AGO2: variants seen among roughly 807,000 people sequenced by gnomAD.
The protein encoded by AGO2 is argonaute RISC catalytic component 2.
AGO2 carries 5 observed loss-of-function variants against 102.3 expected under a neutral mutation model. The ratio of observed to expected loss-of-function variants is 0.05; its 90% CI spans 0.03 to 0.10. The LOEUF (loss-of-function observed/expected upper bound fraction) is 0.10. Ranked by LOEUF, AGO2 falls within the 10% of genes least tolerant of loss-of-function variation. The probability of loss-of-function intolerance (pLI) is 1.00; values close to 1 mark genes in which losing one functional copy is unlikely to be tolerated. For synonymous variants in AGO2, 449 were observed against 473.1 expected, an observed-to-expected ratio of 0.95 and a Z score of 0.66; for missense variants, 541 against 1,183.7, an observed-to-expected ratio of 0.46 and a Z score of 7.97.
intron 2 of AGO2, among the ~76,000 whole-genome samples, chr8:140,577,344 G>A (rs2073483305): frequency 6.6e-6 from 1 of 152,148 alleles, no homozygotes; most frequent in African/African-American, 2.4e-5. Flanking sequence ...ACAGAATGCA[G>A]GTCTGTGTTT....
intron 1 of AGO2, among the ~76,000 whole-genome samples, chr8:140,616,682 G>GA (rs1424896962): frequency 1.3e-5 from 2 of 152,360 alleles, no homozygotes; most frequent in South Asian, 2.1e-4. Flanking sequence ...GCAGTGGGCA[G>GA]GGCCTGGGTG....
chr8:140,599,632 T>C (rs527966098), intron 1 of AGO2, among the ~76,000 whole-genome samples: 2 of 152,262 alleles, frequency 1.3e-5, no homozygotes, highest in East Asian at 3.9e-4. Context: ...CTCAAAGCCA[T>C]CTCTCTAAAT....
At chr8:140,573,421 C>A (rs1042068837) in intron 2 of AGO2, among the ~76,000 whole-genome samples, 1 of 152,052 alleles carries the variant, frequency 6.6e-6, no homozygotes, top group Non-Finnish European at 1.5e-5. Flanking sequence ...TCAAGTGATC[C>A]ACCCGCCTTG....
chr8:140,561,446 G>T lies in AGO2; in HGVS notation c.519-936C>A, dbSNP rs188631896. 1.6e-4 allele frequency among the ~76,000 whole-genome samples: 25 copies of T among 152,374 alleles called. No individual in the cohort carries two copies. The East Asian group carries it at 4.6e-3, about 28-fold the overall frequency. Reference sequence around the variant, plus strand: ...AAGTAATCCAAAGGAATTCGGAAAAGAATCACAGTCATTTCTGCAACTCTA... The same window carrying T: ...AAGTAATCCAAAGGAATTCGGAAAATAATCACAGTCATTTCTGCAACTCTA... On this transcript the variant is annotated intron_variant, in intron 4 of 18. Coordinates refer to ENST00000220592, the MANE Select transcript of AGO2 (RefSeq NM_012154.5).
At chr8:140,543,237 G>C (rs1030564696) in intron 14 of AGO2, among the ~76,000 whole-genome samples, 1 of 152,146 alleles carries the variant, frequency 6.6e-6, no homozygotes, top group African/African-American at 2.4e-5. Flanking sequence ...GTGAGCAGCG[G>C]TATATGCGTG....
At chr8:140,619,960 C>T (rs948900988) in intron 1 of AGO2, among the ~76,000 whole-genome samples, 2 of 152,188 alleles carry the variant, frequency 1.3e-5, no homozygotes, top group Non-Finnish European at 2.9e-5. Flanking sequence ...CTCCTGCCTG[C>T]ATCCAGACCT....
At chr8:140,633,536 C>A (rs1056601458) in intron 1 of AGO2, among the ~76,000 whole-genome samples, 1 of 152,196 alleles carries the variant, frequency 6.6e-6, no homozygotes, top group Non-Finnish European at 1.5e-5. Context: ...CCAAGGTACG[C>A]TGAAAAATGA....
rs962836766 is a variant in AGO2, at chr8:140,543,396, G to A, written c.1839+817C>T. 6.6e-5 allele frequency among the ~76,000 whole-genome samples: 10 copies of A among 152,198 alleles called. No homozygotes were observed. The East Asian group carries it at 7.7e-4, about 12-fold the overall frequency. Reference sequence around the variant, plus strand: ...GGGGCAGCTCGAATGGCTTCCTTGCGTCCCAGATAGATTCTCTTGCTCCAT... The same window carrying A: ...GGGGCAGCTCGAATGGCTTCCTTGCATCCCAGATAGATTCTCTTGCTCCAT... On this transcript the variant is annotated intron_variant, in intron 14 of 18. Coordinates refer to ENST00000220592, the MANE Select transcript of AGO2 (RefSeq NM_012154.5).
intron 4 of AGO2, among the ~76,000 whole-genome samples, chr8:140,560,852 A>G (rs772820206): frequency 1.1e-4 from 16 of 151,802 alleles, no homozygotes; most frequent in Non-Finnish European, 1.8e-4. Flanking sequence ...CTCACTGTCT[A>G]CTCTTCACCT....
intron 2 of AGO2, among the ~76,000 whole-genome samples, chr8:140,576,251 T>C (rs2073461353): frequency 1.3e-5 from 2 of 152,058 alleles, no homozygotes; most frequent in African/African-American, 4.8e-5. Flanking sequence ...GAGGCAGAGG[T>C]TGCAGTGAGC....
In AGO2 at chr8:140,556,127, T is replaced by C. The variant is rs746017330; in HGVS notation, c.1146+40A>G. 3.7e-6 allele frequency: 6 copies of C among 1,612,756 alleles called. No homozygotes were observed. The East Asian group carries it at 1.3e-4, about 36-fold the overall frequency. ...GGTTTCTGTGCCAGGGCAACCGGAC[T>C]GGATTCCACAGGGCAGCCCTGCCCG... is the stretch of plus-strand genomic sequence containing the variant. On this transcript the variant is annotated intron_variant, in intron 9 of 18. Transcript: ENST00000220592.
At chr8:140,620,313 C>A (rs754258408) in intron 1 of AGO2, among the ~76,000 whole-genome samples, 1 of 152,136 alleles carries the variant, frequency 6.6e-6, no homozygotes, top group Non-Finnish European at 1.5e-5. Context: ...ACCTGCCCTA[C>A]GATCAGACGA....
chr8:140,635,402 C>T (rs1189474052), intron 1 of AGO2, 83 bp downstream of exon 1: 11 of 939,458 alleles, frequency 1.2e-5, no homozygotes, highest in Non-Finnish European at 1.4e-5. Flanking sequence ...CGATCCCCGG[C>T]CCCTGCCGCC....
In AGO2 at chr8:140,539,249, T is replaced by C. The variant is rs1564074035; in HGVS notation, c.2169+71A>G. Reference sequence around the variant, plus strand: ...CGGCACTGTGGCCAGCAGGTTCTCTTGTGAGTGTGCTCGGGGTGTGGGGCT... The same window carrying C: ...CGGCACTGTGGCCAGCAGGTTCTCTCGTGAGTGTGCTCGGGGTGTGGGGCT... On this transcript the variant is annotated intron_variant, in intron 16 of 18. Transcript: ENST00000220592. This position sits in a 1 kb window ranked among gnomAD's most constrained non-coding sequence, Gnocchi z 4.7. The C allele has an allele frequency of 1.1e-5, 15 of 1,403,856 alleles. No homozygotes were observed. The highest frequency in any genetic ancestry group is 5.2e-5 in the East Asian group (2 of 38,620). The allele number at this position is 1,403,856 out of a possible 1,614,324, so 87.0% of individuals were successfully genotyped here.
At chr8:140,532,279 C>T (rs967716591) in intron 18 of AGO2, 127 bp from the exon 19 acceptor site, 2 of 1,373,720 alleles carry the variant, frequency 1.5e-6, no homozygotes, top group East Asian at 2.3e-5. Flanking sequence ...ACGCTGACGG[C>T]CGTGCCATTA....
At chr8:140,586,797 G>T (rs768161323) in intron 1 of AGO2, among the ~76,000 whole-genome samples, 25 of 152,160 alleles carry the variant, frequency 1.6e-4, no homozygotes, top group Non-Finnish European at 2.8e-4. Flanking sequence ...CAACCACCCA[G>T]TGAGACGGCT....
At chr8:140,587,406 G>T (rs1210851852) in intron 1 of AGO2, among the ~76,000 whole-genome samples, 1 of 152,264 alleles carries the variant, frequency 6.6e-6, no homozygotes, top group Non-Finnish European at 1.5e-5. Flanking sequence ...GGCCAGGGAA[G>T]GTCCACCTTC....
intron 3 of AGO2, 186 bp downstream of exon 3, chr8:140,572,626 A>T: frequency 1.3e-6 from 1 of 773,802 alleles, no homozygotes; most frequent in Non-Finnish European, 1.9e-6. Flanking sequence ...AACCCCCATC[A>T]CTGAAAGCCA....
At chr8:140,564,019 G>A (rs1012223640) in intron 3 of AGO2, among the ~76,000 whole-genome samples, 7 of 151,782 alleles carry the variant, frequency 4.6e-5, no homozygotes, top group East Asian at 3.9e-4. Context: ...AGACGCCCAC[G>A]AGCCCTCAGA....
Sources: gnomAD v4.1 joint callset for allele counts (sites outside exome capture counted in the v4.1 genomes callset) on GRCh38, gnomAD v4.1.1 for gene constraint, Gnocchi (gnomAD v3.1) non-coding constraint, MANE v1.5 for transcripts, NCBI Gene and HGNC (gene_info 2026-07-23, HGNC 2026-07-21) for gene names.